The following SNTB2 variants were observed in gnomAD, a reference collection of about 807,000 sequenced individuals.
SNTB2 encodes beta-2-syntrophin.
Under a neutral mutation model 46.2 loss-of-function variants are expected in SNTB2, and 34 were observed. The ratio of observed to expected loss-of-function variants is 0.74; its 90% CI spans 0.56 to 0.98. The LOEUF is 0.98. Among genes scored for constraint, SNTB2 ranks in the 50% least tolerant of loss-of-function variants. The pLI, the probability that SNTB2 is intolerant of heterozygous loss-of-function variation, is 0.00. For synonymous variants in SNTB2, 290 were observed against 312.6 expected (o/e 0.93, Z 0.76); for missense variants, 603 against 731.4 (o/e 0.82, Z 2.02).
chr16:69,282,518 C>T (rs1965059870), intron 4 of SNTB2, among the ~76,000 whole-genome samples: 1 of 151,974 alleles, frequency 6.6e-6, no homozygotes, highest in African/African-American at 2.4e-5. Flanking sequence ...TTGAGTGGTG[C>T]CAGTATACAG....
intron 2 of SNTB2, among the ~76,000 whole-genome samples, chr16:69,250,682 A>G (rs1964716992): frequency 6.6e-6 from 1 of 152,032 alleles, no homozygotes; most frequent in African/African-American, 2.4e-5. Flanking sequence ...AGATCACTTG[A>G]GGCTGGGAGT....
At chr16:69,235,303 A>G (rs1341645589) in intron 1 of SNTB2, among the ~76,000 whole-genome samples, 1 of 152,104 alleles carries the variant, frequency 6.6e-6, no homozygotes, top group Non-Finnish European at 1.5e-5. Flanking sequence ...GAATAGGTGA[A>G]TGGGTGTCTT....
At chr16:69,260,799 T>A (rs1597190583) in intron 3 of SNTB2, among the ~76,000 whole-genome samples, 1 of 152,216 alleles carries the variant, frequency 6.6e-6, no homozygotes, top group East Asian at 1.9e-4. Context: ...CAGGCTATAG[T>A]TGATTCCTCT....
At chr16:69,251,169 G>A (rs1276781267) in intron 2 of SNTB2, among the ~76,000 whole-genome samples, 13 of 150,774 alleles carry the variant, frequency 8.6e-5, no homozygotes, top group Non-Finnish European at 1.9e-4. Context: ...TAGTAGAGAC[G>A]GGGTTTCACC....
chr16:69,285,295 A>G (rs528341189), intron 5 of SNTB2, among the ~76,000 whole-genome samples: 103 of 151,646 alleles, frequency 6.8e-4, no homozygotes, highest in African/African-American at 2.5e-3. Flanking sequence ...AGCCTGGTAT[A>G]TGACTCGAAG....
At chr16:69,255,600 G>T (rs1964766409) in intron 2 of SNTB2, among the ~76,000 whole-genome samples, 1 of 151,490 alleles carries the variant, frequency 6.6e-6, no homozygotes, top group Non-Finnish European at 1.5e-5. Flanking sequence ...TTTTGTTGGG[G>T]CTGGGCACGA....
At chr16:69,215,240 C>T (rs1403180011) in intron 1 of SNTB2, among the ~76,000 whole-genome samples, 4 of 152,044 alleles carry the variant, frequency 2.6e-5, no homozygotes, top group Admixed American at 2.6e-4. Flanking sequence ...AAAAAATTAG[C>T]CAGGTGTGGT....
At chr16:69,294,095 A>C (rs1017763614) in intron 5 of SNTB2, among the ~76,000 whole-genome samples, 1 of 152,150 alleles carries the variant, frequency 6.6e-6, no homozygotes, top group African/African-American at 2.4e-5. Context: ...TGTCACGAAC[A>C]TGGCTCACTG....
intron 1 of SNTB2, among the ~76,000 whole-genome samples, chr16:69,240,021 C>G (rs1025281959): frequency 6.6e-6 from 1 of 152,166 alleles, no homozygotes; most frequent in Non-Finnish European, 1.5e-5. Context: ...TTTATCCATT[C>G]ACTTCCATTG....
Position 69,292,404 on chromosome 16 carries a change from ATATT to A in SNTB2, c.1346-7185_1346-7182del, listed in dbSNP as rs1353205693. Among the ~76,000 whole-genome samples, 35 of 21,240 alleles carry A rather than the reference ATATT, an allele frequency of 1.6e-3. 5 individuals carry two copies. In the African/African-American group the frequency reaches 0.017, roughly 11 times the overall value. The allele number at this position is 21,240 out of a possible 152,430, so 13.9% of individuals were successfully genotyped here. A position where few individuals can be genotyped will look rare whatever the true frequency, so the allele number is the denominator to read the frequency against. The stretch of plus-strand genomic sequence containing the variant: ...TTATATATATATTATATATATATAT[ATATT>A]ATATATATATTATATATATATATAT... On this transcript the variant is annotated intron_variant, in intron 5 of 6. Transcript: ENST00000336278.
In SNTB2 at chr16:69,287,710, T is replaced by C. The variant is rs577153393; in HGVS notation, c.1345+3466T>C. On this transcript the variant is annotated intron_variant, in intron 5 of 6. Transcript: ENST00000336278. ...CCCGTCTTTACTAAAAATACAAAAA[T>C]TAGCTGAGCATAGTGGCACATGCCT... is the stretch of plus-strand genomic sequence containing the variant. Among the ~76,000 whole-genome samples the C allele has an allele frequency of 8.6e-5, 13 of 151,684 alleles. No homozygotes were observed. In the South Asian group the frequency reaches 2.7e-3, roughly 32 times the overall value.
chr16:69,268,864 C>CA (rs1183716323), intron 3 of SNTB2, among the ~76,000 whole-genome samples: 10 of 143,914 alleles, frequency 6.9e-5, no homozygotes, highest in South Asian at 2.2e-4. Context: ...GACTCCATCT[C>CA]AAAAAAAAAA....
Position 69,187,337 on chromosome 16 carries a change from C to G in SNTB2, c.171C>G (p.Ala57=), listed in dbSNP as rs756999701. 102 of 1,443,262 alleles carry G rather than the reference C, an allele frequency of 7.1e-5. No individual in the cohort carries two copies. Among genetic ancestry groups the G allele is most frequent in the Non-Finnish European group, 8.7e-5 (96 of 1,099,778 alleles). The allele number at this position is 1,443,262 out of a possible 1,614,324, so 89.4% of individuals were successfully genotyped here. A position where few individuals can be genotyped will look rare whatever the true frequency, so the allele number is the denominator to read the frequency against. Residue 57 remains alanine (A), a synonymous_variant, in exon 1 of 7, where the codon GCC becomes GCG. Coordinates refer to ENST00000336278, the MANE Select transcript of SNTB2 (RefSeq NM_006750.4). Reference sequence around the variant, plus strand: ...GCCTGACGGGCGACGCCGCCGCGGCCGAGCTGGAGCCCGCTCTGGGACCCG... The same window carrying G: ...GCCTGACGGGCGACGCCGCCGCGGCGGAGCTGGAGCCCGCTCTGGGACCCG... The part of the protein sequence containing the change: ...SLSLTGDAAA[A]ELEPALGPAA...
intron 1 of SNTB2, among the ~76,000 whole-genome samples, chr16:69,193,673 T>C (rs1964076798): frequency 6.6e-6 from 1 of 152,108 alleles, no homozygotes; most frequent in South Asian, 2.1e-4. Flanking sequence ...AACAAAAATT[T>C]TAAAAAAGAA....
chr16:69,299,807 A>C, intron 6 of SNTB2, 33 bp downstream of exon 6: 1 of 1,593,040 alleles, frequency 6.3e-7, no homozygotes, highest in South Asian at 1.1e-5. Context: ...TGTTTATCTA[A>C]TAGATGTTCT....
At chr16:69,270,111 G>C (rs1161779635) in intron 3 of SNTB2, 32 bp from the exon 4 acceptor site, 1 of 1,613,618 alleles carries the variant, frequency 6.2e-7, no homozygotes, top group Non-Finnish European at 8.5e-7. Flanking sequence ...ATTATAGTTA[G>C]CCCTGATTTC....
intron 4 of SNTB2, among the ~76,000 whole-genome samples, chr16:69,278,893 T>A (rs1280216016): frequency 7.7e-5 from 6 of 78,430 alleles, no homozygotes; most frequent in Non-Finnish European, 1.1e-4. Flanking sequence ...GGGAAGAGTG[T>A]GTGTGTGTGT....
At chr16:69,273,537 T>C (rs1391710545) in intron 4 of SNTB2, among the ~76,000 whole-genome samples, 1 of 152,136 alleles carries the variant, frequency 6.6e-6, no homozygotes, top group Non-Finnish European at 1.5e-5. Flanking sequence ...AAACCCAGGA[T>C]AGACAGAAGG....
intron 1 of SNTB2, among the ~76,000 whole-genome samples, chr16:69,199,543 C>CATG: frequency 6.9e-6 from 1 of 145,794 alleles, no homozygotes; most frequent in East Asian, 2.0e-4. Flanking sequence ...TTTGGTGAGC[C>CATG]ATGATTGCAC....
Sources: allele counts gnomAD v4.1 joint callset (sites outside exome capture counted in the v4.1 genomes callset), GRCh38; gene constraint gnomAD v4.1.1; transcripts MANE v1.5; gene names NCBI Gene and HGNC (gene_info 2026-07-23, HGNC 2026-07-21).